The following UTRN variants were observed in gnomAD, a reference collection of about 807,000 sequenced individuals.
The protein encoded by UTRN is utrophin, also known as dystrophin-related protein 1.
In UTRN, 283 loss-of-function variants were observed where a neutral mutation model predicts 463.9. That is an observed-to-expected ratio of 0.61 (90% CI 0.55 to 0.67). UTRN has a LOEUF of 0.67. Ranked by LOEUF, UTRN falls within the 30% of genes least tolerant of loss-of-function variation. The probability of loss-of-function intolerance (pLI) is 0.00; values close to 1 mark genes in which losing one functional copy is unlikely to be tolerated. For synonymous variants in UTRN, 1,442 were observed against 1,431.5 expected (o/e 1.01, Z -0.17); for missense variants, 3,922 against 4,084.3 (o/e 0.96, Z 1.08).
chr6:144,747,861 C>G (rs1482547131), intron 54 of UTRN, among the ~76,000 whole-genome samples: 1 of 152,110 alleles, frequency 6.6e-6, no homozygotes, highest in Non-Finnish European at 1.5e-5. Flanking sequence ...ATTATACTTA[C>G]CATTTCTCTT....
intron 3 of UTRN, among the ~76,000 whole-genome samples, chr6:144,421,213 G>A (rs1784807601): frequency 6.6e-6 from 1 of 152,050 alleles, no homozygotes. Context: ...CACCATATTG[G>A]CCAGGCTGGT....
At chr6:144,416,762 A>G (rs991899672) in intron 3 of UTRN, among the ~76,000 whole-genome samples, 6 of 152,154 alleles carry the variant, frequency 3.9e-5, no homozygotes, top group African/African-American at 1.4e-4. Flanking sequence ...ATACCCTTCA[A>G]GTTCAAGACT....
At position 144,778,854 on chromosome 6, in the gene UTRN, T is replaced by C. The variant is rs562182472; in HGVS notation, c.8633-3068T>C. 7.9e-5 allele frequency among the ~76,000 whole-genome samples: 12 copies of C among 152,308 alleles called. No individual in the cohort carries two copies. The East Asian group carries it at 2.3e-3, about 29-fold the overall frequency. ...TTTCATTTACCACATGACTGAGCTG[T>C]CATTTGTCTCCCTTTGAAATGAGAA... On this transcript the variant is annotated intron_variant, in intron 60 of 74. Transcript: ENST00000367545.
intron 2 of UTRN, among the ~76,000 whole-genome samples, chr6:144,372,935 C>T (rs1780130042): frequency 6.6e-6 from 1 of 152,144 alleles, no homozygotes; most frequent in Non-Finnish European, 1.5e-5. Flanking sequence ...CATCATTAGT[C>T]ACTTAGGGAA....
At chr6:144,845,433 A>ATGTT in intron 73 of UTRN, among the ~76,000 whole-genome samples, 1 of 152,232 alleles carries the variant, frequency 6.6e-6, no homozygotes, top group East Asian at 1.9e-4. Flanking sequence ...TGAATTGCCT[A>ATGTT]TGTTTATTAA....
intron 2 of UTRN, among the ~76,000 whole-genome samples, chr6:144,327,186 G>T (rs145402349): frequency 5.8e-4 from 89 of 152,258 alleles, no homozygotes; most frequent in African/African-American, 2.0e-3. Flanking sequence ...CAGGGAGGGG[G>T]TGAAGGAGAG....
intron 2 of UTRN, among the ~76,000 whole-genome samples, chr6:144,356,681 C>T (rs1043320511): frequency 2.6e-5 from 4 of 152,064 alleles, no homozygotes; most frequent in South Asian, 2.1e-4. Context: ...GGTGTGGTGG[C>T]GAATGCCTGT....
chr6:144,296,860 G>A (rs915117377), intron 2 of UTRN, among the ~76,000 whole-genome samples: 1 of 152,174 alleles, frequency 6.6e-6, no homozygotes, highest in Non-Finnish European at 1.5e-5. Flanking sequence ...GCCCTGACAA[G>A]GGAAGGCCAA....
chr6:144,809,493 G>C (rs4895653), intron 65 of UTRN, among the ~76,000 whole-genome samples: 16,620 of 152,150 alleles, frequency 0.11, 1,626 homozygotes, highest in Admixed American at 0.32. Flanking sequence ...AGGGCTAGAC[G>C]TCAAGATGAT....
At chr6:144,348,306 G>T (rs372676912) in intron 2 of UTRN, among the ~76,000 whole-genome samples, 1 of 152,176 alleles carries the variant, frequency 6.6e-6, no homozygotes, top group Non-Finnish European at 1.5e-5. Context: ...TTCTTCCCCC[G>T]TGGAGGTTAG....
chr6:144,443,951 AT>A (rs1273157329), intron 13 of UTRN, among the ~76,000 whole-genome samples: 1 of 152,096 alleles, frequency 6.6e-6, no homozygotes, highest in African/African-American at 2.4e-5. Flanking sequence ...TGTTTGTTTT[AT>A]TTTTTAATAA....
chr6:144,755,386 A>G (rs992280457), intron 57 of UTRN, among the ~76,000 whole-genome samples: 5 of 152,210 alleles, frequency 3.3e-5, no homozygotes, highest in Non-Finnish European at 5.9e-5. Flanking sequence ...GAGATCTTCA[A>G]TAAACAATTT....
At chr6:144,607,814 A>C (rs1168343454) in intron 51 of UTRN, among the ~76,000 whole-genome samples, 1 of 152,192 alleles carries the variant, frequency 6.6e-6, no homozygotes, top group Non-Finnish European at 1.5e-5. Context: ...ACTGGAAGAG[A>C]TTGAAACAAG....
At chr6:144,654,718 C>G (rs1779152346) in intron 51 of UTRN, among the ~76,000 whole-genome samples, 4 of 152,230 alleles carry the variant, frequency 2.6e-5, no homozygotes, top group Admixed American at 2.0e-4. Context: ...TTGTTTCCCT[C>G]TTGTCTGATG....
chr6:144,486,649 G>A (rs1000213209), intron 28 of UTRN, among the ~76,000 whole-genome samples: 3 of 152,120 alleles, frequency 2.0e-5, no homozygotes, highest in African/African-American at 7.2e-5. Context: ...AGCCTCCTGA[G>A]TAGCTGGGAT....
chr6:144,363,347 A>G (rs1344755295), intron 2 of UTRN, among the ~76,000 whole-genome samples: 4 of 152,234 alleles, frequency 2.6e-5, no homozygotes, highest in African/African-American at 9.6e-5. Flanking sequence ...CTTTAAAATC[A>G]TTTTGAAATT....
At chr6:144,382,978 C>G (rs1781064500) in intron 2 of UTRN, among the ~76,000 whole-genome samples, 1 of 152,158 alleles carries the variant, frequency 6.6e-6, no homozygotes, top group Non-Finnish European at 1.5e-5. Flanking sequence ...GTCTCCCAGG[C>G]TAAAGTGCAG....
At chr6:144,829,740 GGTTAAAATACTTAAAGTGCTCAA>G (rs1471736511) in intron 69 of UTRN, among the ~76,000 whole-genome samples, 1 of 151,124 alleles carries the variant, frequency 6.6e-6, no homozygotes, top group Non-Finnish European at 1.5e-5. Context: ...GAGAGTGCTA[GGTTAAAATACTTAAAGTGCTCAA>G]ATATAGAATA....
chr6:144,720,826 G>A (rs755149930), intron 53 of UTRN, among the ~76,000 whole-genome samples: 10 of 152,020 alleles, frequency 6.6e-5, no homozygotes, highest in African/African-American at 1.4e-4. Flanking sequence ...TTGGTACCCC[G>A]TGTGTACCTC....
Sources: allele counts gnomAD v4.1 joint callset (sites outside exome capture counted in the v4.1 genomes callset), GRCh38; gene constraint gnomAD v4.1.1; transcripts MANE v1.5; gene names NCBI Gene and HGNC (gene_info 2026-07-23, HGNC 2026-07-21).